NGLY1: variants seen among roughly 807,000 people sequenced by gnomAD.
The protein encoded by NGLY1 is N-glycanase 1, also known as peptide-N(4)-(N-acetyl-beta-glucosaminyl)asparagine amidase.
In NGLY1, 68 loss-of-function variants were observed where a neutral mutation model predicts 84.6. The observed-to-expected ratio is 0.80, with a 90% confidence interval of 0.66 to 0.98. The LOEUF (loss-of-function observed/expected upper bound fraction) is 0.98. Ranked by LOEUF, NGLY1 falls within the 50% of genes least tolerant of loss-of-function variation. The probability of loss-of-function intolerance (pLI) is 0.00; values close to 1 mark genes in which losing one functional copy is unlikely to be tolerated. For missense variants in NGLY1, 779 were observed against 770.2 expected, an observed-to-expected ratio of 1.01 and a Z score of -0.14; for synonymous variants, 280 against 275.2, an observed-to-expected ratio of 1.02 and a Z score of -0.17.
chr3:25,772,952 G>A (rs9850458), intron 2 of NGLY1, among the ~76,000 whole-genome samples: 5,722 of 152,234 alleles, frequency 0.038, 327 homozygotes, highest in African/African-American at 0.13. Context: ...GCTAAAGATA[G>A]GACCCCAATC....
rs1706027866 is a variant in NGLY1, at chr3:25,739,684, C to T, written c.774G>A (p.Arg258=). 6.2e-7 allele frequency: 1 copy of T among 1,613,960 alleles called. No individual in the cohort carries two copies. Among genetic ancestry groups the T allele is most frequent in the South Asian group, 1.1e-5 (1 of 91,092 alleles). The change falls in exon 5 of 12, where the codon AGG becomes AGA. Residue 258 remains arginine (R), a synonymous_variant. Transcript: ENST00000280700. The part of the protein sequence containing the change: ...VLCSKCGGQT[R]SRDRSLLPSD... The stretch of plus-strand genomic sequence containing the variant: ...TGGGCAGTAATGATCTATCTCTAGA[C>T]CTAGTCTGTCCACCACATTTGCTGC...
At chr3:25,737,228 G>C (rs868742514) in intron 6 of NGLY1, 106 bp downstream of exon 6, 1 of 934,730 alleles carries the variant, frequency 1.1e-6, no homozygotes, top group African/African-American at 1.7e-5. Flanking sequence ...TGGAAGGTCA[G>C]ACTGACAAGG....
intron 1 of NGLY1, 61 bp from the exon 2 acceptor site, chr3:25,778,749 CT>C: frequency 1.0e-6 from 1 of 1,001,242 alleles, no homozygotes; most frequent in Admixed American, 2.2e-5. Flanking sequence ...TCTTCAAAGA[CT>C]TTACTTTCAA....
intron 4 of NGLY1, among the ~76,000 whole-genome samples, chr3:25,744,827 G>A (rs1706336290): frequency 6.6e-6 from 1 of 152,132 alleles, no homozygotes; most frequent in Admixed American, 6.5e-5. Context: ...AATGGCTGGA[G>A]CTGCAGCAGC....
intron 6 of NGLY1, 101 bp from the exon 7 acceptor site, chr3:25,736,250 A>C (rs536996533): frequency 6.4e-6 from 10 of 1,554,556 alleles, no homozygotes; most frequent in African/African-American, 5.5e-5. Flanking sequence ...AAAGTAATGC[A>C]TAATATTCTG....
intron 3 of NGLY1, among the ~76,000 whole-genome samples, chr3:25,760,853 T>A: frequency 9.0e-6 from 1 of 111,306 alleles, no homozygotes; most frequent in Non-Finnish European, 1.7e-5. Context: ...AGAGTGAAAC[T>A]CTGTCTCAAA....
chr3:25,778,539 T>G, intron 2 of NGLY1, 35 bp downstream of exon 2: 1 of 1,224,222 alleles, frequency 8.2e-7, no homozygotes, highest in Non-Finnish European at 1.2e-6. Flanking sequence ...GCTTTGTGCA[T>G]GAAGAGGGGA....
chr3:25,756,360 A>G (rs1707035218), intron 3 of NGLY1, among the ~76,000 whole-genome samples: 1 of 152,170 alleles, frequency 6.6e-6, no homozygotes, highest in Admixed American at 6.5e-5. Context: ...CATTCTCTAT[A>G]TGCCTAATGT....
intron 8 of NGLY1, 26 bp from the exon 9 acceptor site, chr3:25,732,509 T>C: frequency 6.3e-7 from 1 of 1,597,358 alleles, no homozygotes; most frequent in East Asian, 2.2e-5. Flanking sequence ...TTTAAAAAAG[T>C]TGTTAAGATT....
intron 3 of NGLY1, among the ~76,000 whole-genome samples, chr3:25,757,100 G>T (rs1221232722): frequency 6.6e-6 from 1 of 152,128 alleles, no homozygotes; most frequent in Non-Finnish European, 1.5e-5. Flanking sequence ...GCTAGTGCTT[G>T]ATATATCTAA....
rs530273797 is a variant in NGLY1, at chr3:25,755,271, C to T, written c.493-4008G>A. 12 of 1,369,082 alleles carry T rather than the reference C, an allele frequency of 8.8e-6. No homozygotes were observed. The East Asian group carries it at 2.7e-4, about 31-fold the overall frequency. The allele number at this position is 1,369,082 out of a possible 1,614,324, so 84.8% of individuals were successfully genotyped here. ...CCATATGCAGGACCTAGACTCCCAC[C>T]TGATAGATACTGCTTAACAGCTCCA... On this transcript the variant is annotated intron_variant, in intron 3 of 11. Transcript: ENST00000280700.
chr3:25,739,173 A>C (rs1412750968), intron 5 of NGLY1, among the ~76,000 whole-genome samples: 1 of 152,220 alleles, frequency 6.6e-6, no homozygotes, highest in Non-Finnish European at 1.5e-5. Flanking sequence ...ACAGTTAAAA[A>C]TTAGGAATTA....
intron 3 of NGLY1, among the ~76,000 whole-genome samples, chr3:25,753,458 A>G (rs1027351362): frequency 1.3e-5 from 2 of 152,156 alleles, no homozygotes; most frequent in African/African-American, 2.4e-5. Context: ...AAATAAATAC[A>G]TACTTGGGAG....
In NGLY1 at chr3:25,719,237, G is replaced by A; in HGVS notation, c.*223C>T. The A allele has an allele frequency of 2.7e-6, 1 of 374,760 alleles. No individual in the cohort carries two copies. Among genetic ancestry groups the A allele is most frequent in the East Asian group, 4.0e-5 (1 of 25,246 alleles). 23.2% of individuals were successfully genotyped at this position (374,760 alleles called of 1,614,324 possible). On this transcript the variant is annotated 3_prime_UTR_variant, in exon 12 of 12. Coordinates refer to ENST00000280700, the MANE Select transcript of NGLY1 (RefSeq NM_018297.4). ...TTAAAATCCCATATTGAGTCAACAAGACTTTACTCCAAATTATAGTCACAT... is the reference window on the plus strand; with the variant it reads ...TTAAAATCCCATATTGAGTCAACAAAACTTTACTCCAAATTATAGTCACAT...
rs1264709890 is a variant in NGLY1 at position 25,734,044 on chromosome 3, A to G, written c.1150-62T>C. ...TTACAACCATCAACCTTTACTTACT[A>G]AATACCTAGAATGTATGTAATTTTT... On this transcript the variant is annotated intron_variant, in intron 7 of 11. Transcript: ENST00000280700. 1.7e-5 allele frequency: 27 copies of G among 1,584,516 alleles called. 1 individual carries two copies. The South Asian group carries it at 2.6e-4, about 15-fold the overall frequency.
intron 10 of NGLY1, among the ~76,000 whole-genome samples, chr3:25,728,549 T>C (rs754617427): frequency 5.3e-5 from 8 of 152,150 alleles, no homozygotes; most frequent in Admixed American, 5.2e-4. Flanking sequence ...ACTGATAGCA[T>C]GTGACGATAA....
At chr3:25,741,947 G>C (rs887130896) in intron 4 of NGLY1, among the ~76,000 whole-genome samples, 10 of 152,140 alleles carry the variant, frequency 6.6e-5, no homozygotes, top group African/African-American at 1.9e-4. Flanking sequence ...GTTGCAGTGA[G>C]CCGAGATCGC....
At chr3:25,777,212 A>T (rs1708193286) in intron 2 of NGLY1, among the ~76,000 whole-genome samples, 1 of 152,166 alleles carries the variant, frequency 6.6e-6, no homozygotes, top group African/African-American at 2.4e-5. Flanking sequence ...CCTGACCAAC[A>T]TGGAGAAATC....
Position 25,764,303 on chromosome 3 carries a change from T to C in NGLY1, c.255A>G (p.Thr85=). 6.2e-7 allele frequency: 1 copy of C among 1,611,004 alleles called. No homozygotes were observed. Among genetic ancestry groups the C allele is most frequent in the East Asian group, 2.2e-5 (1 of 44,858 alleles). ...LFEMGFEEGE[T]HLIFPKKASV... ...AAGCTTTTTTAGGAAAGATGAGATG[T>C]GTTTCTCCCTGGAATTTATAAAATT... Residue 85 remains threonine, a synonymous_variant, in exon 3 of 12, where the codon ACA becomes ACG. Transcript: ENST00000280700.
Sources: allele counts gnomAD v4.1 joint callset (sites outside exome capture counted in the v4.1 genomes callset), GRCh38; gene constraint gnomAD v4.1.1; transcripts MANE v1.5; gene names NCBI Gene and HGNC (gene_info 2026-07-23, HGNC 2026-07-21).